Variants in ECT2L observed in about 807,000 individuals in gnomAD.
ECT2L encodes epithelial cell-transforming sequence 2 oncogene-like.
In ECT2L, 126 loss-of-function variants were observed where a neutral mutation model predicts 122.8. The ratio of observed to expected loss-of-function variants is 1.03; its 90% confidence interval spans 0.89 to 1.19. The LOEUF is 1.19. Among genes scored for constraint, ECT2L ranks in the 50% most tolerant of loss-of-function variants. ECT2L has a pLI of 0.00. For synonymous variants in ECT2L, 385 were observed against 381.8 expected (o/e 1.01, Z -0.10); for missense variants, 1,012 against 1,064.1 (o/e 0.95, Z 0.68).
chr6:138,885,901 TCCTGAGACA>T (rs1460510235), intron 18 of ECT2L, 71 bp downstream of exon 18: 1 of 1,453,468 alleles, frequency 6.9e-7, no homozygotes, highest in African/African-American at 1.4e-5. Context: ...CACTCAAAGA[TCCTGAGACA>T]CCTTATCTTC....
Position 138,888,924 on chromosome 6 carries a change from T to A in ECT2L, c.2326-19T>A. ...AAAAAAATTTATATGTACTTCTAAT[T>A]TTGTTTTTGATTTTACAGACTCTAT... On this transcript the variant is annotated intron_variant, in intron 19 of 21. Coordinates refer to ENST00000541398, the MANE Select transcript of ECT2L (RefSeq NM_001077706.3). 7.4e-7 allele frequency: 1 copy of A among 1,357,558 alleles called. No homozygotes were observed. The highest frequency in any genetic ancestry group is 9.8e-7 in the Non-Finnish European group (1 of 1,022,824). The allele number at this position is 1,357,558 out of a possible 1,614,324, so 84.1% of individuals were successfully genotyped here. A position where few individuals can be genotyped will look rare whatever the true frequency, so the allele number is the denominator to read the frequency against.
At chr6:138,804,460 T>C (rs1225544736) in intron 1 of ECT2L, among the ~76,000 whole-genome samples, 1 of 152,210 alleles carries the variant, frequency 6.6e-6, no homozygotes, top group Non-Finnish European at 1.5e-5. Flanking sequence ...ATTATCTTAT[T>C]ACTACAGCTT....
rs149285598 is a variant in ECT2L, at chr6:138,835,166, C to T, written c.180-3186C>T. ...CACTTAAAAAAAACTTTTCATTTTGCAATAATTTTTAACTTACAGAAAAGT... is the reference window on the plus strand; with the variant it reads ...CACTTAAAAAAAACTTTTCATTTTGTAATAATTTTTAACTTACAGAAAAGT... On this transcript the variant is annotated intron_variant, in intron 4 of 21. Coordinates refer to ENST00000541398, the MANE Select transcript of ECT2L (RefSeq NM_001077706.3). Among the ~76,000 whole-genome samples, 1,157 of 152,174 alleles carry T rather than the reference C, an allele frequency of 7.6e-3. 31 individuals are homozygous for T. The highest frequency in any genetic ancestry group is 0.048 in the Admixed American group (729 of 15,296).
At chr6:138,891,368 T>A (rs1164934877) in intron 20 of ECT2L, among the ~76,000 whole-genome samples, 2 of 152,220 alleles carry the variant, frequency 1.3e-5, no homozygotes, top group Non-Finnish European at 2.9e-5. Flanking sequence ...CTTTTCCTGA[T>A]CCAGGAGAGA....
intron 10 of ECT2L, among the ~76,000 whole-genome samples, 159 bp downstream of exon 10, chr6:138,854,313 T>C (rs1777544271): frequency 1.3e-5 from 2 of 152,188 alleles, no homozygotes; most frequent in Non-Finnish European, 2.9e-5. Context: ...TTCAAGAAAG[T>C]AGCAGTGAGG....
At position 138,843,042 on chromosome 6, in the gene ECT2L, AAT is replaced by A. The variant is rs779833127; in HGVS notation, c.407_408del (p.Asn136ArgfsTer22). On this transcript the variant is annotated frameshift_variant, in exon 6 of 22. Transcript: ENST00000541398. LOFTEE classifies it high-confidence loss of function. ...GWFLPYTPTD[N>X]EYGAWKRHYI... The stretch of plus-strand genomic sequence containing the variant: ...GTTTCTGCCCTATACTCCAACAGAT[AAT>A]GAGTATGGTGCTTGGAAGCGCCATT... 6.2e-7 allele frequency: 1 copy of A among 1,612,600 alleles called. No individual in the cohort carries two copies. Among genetic ancestry groups the A allele is most frequent in the African/African-American group, 1.3e-5 (1 of 75,040 alleles).
intron 14 of ECT2L, among the ~76,000 whole-genome samples, chr6:138,879,885 G>A (rs1159212709): frequency 5.3e-5 from 8 of 152,078 alleles, no homozygotes; most frequent in Non-Finnish European, 7.4e-5. Context: ...CCCAGGAGGC[G>A]GAGGTTGCAG....
chr6:138,839,259 C>T (rs1776958060), intron 5 of ECT2L, among the ~76,000 whole-genome samples: 2 of 152,212 alleles, frequency 1.3e-5, no homozygotes, highest in South Asian at 4.1e-4. Flanking sequence ...CAGTTAACAG[C>T]AGCAGCTGTT....
At chr6:138,893,418 T>C (rs1422222413) in intron 20 of ECT2L, among the ~76,000 whole-genome samples, 2 of 151,420 alleles carry the variant, frequency 1.3e-5, no homozygotes, top group Non-Finnish European at 2.9e-5. Flanking sequence ...TATATATTTT[T>C]TTATTTTTAT....
intron 20 of ECT2L, among the ~76,000 whole-genome samples, chr6:138,899,439 TTG>T (rs60379586): frequency 1.4e-3 from 214 of 148,564 alleles, no homozygotes; most frequent in Middle Eastern, 3.5e-3. Context: ...TGTACATAGA[TTG>T]TGTGTGTGTG....
chr6:138,842,616 A>G (rs915842807), intron 5 of ECT2L, among the ~76,000 whole-genome samples: 8 of 151,702 alleles, frequency 5.3e-5, no homozygotes, highest in Non-Finnish European at 8.8e-5. Context: ...CTAAAAAAAC[A>G]AAAAAATTAG....
chr6:138,820,806 C>T (rs1776242861), intron 4 of ECT2L, among the ~76,000 whole-genome samples: 1 of 152,214 alleles, frequency 6.6e-6, no homozygotes, highest in Admixed American at 6.5e-5. Context: ...ATGATACACA[C>T]ATTCAGTGCT....
At chr6:138,823,105 C>T (rs1776323309) in intron 4 of ECT2L, 4 of 1,528,972 alleles carry the variant, frequency 2.6e-6, no homozygotes, top group Admixed American at 2.0e-5. Flanking sequence ...GCCTTGTACA[C>T]ACTAAACTTT....
At chr6:138,844,727 G>T (rs1016222164) in intron 7 of ECT2L, 147 bp downstream of exon 7, 5 of 685,850 alleles carry the variant, frequency 7.3e-6, no homozygotes, top group Non-Finnish European at 1.2e-5. Context: ...TAATTTTCTA[G>T]AACAGTAGTC....
intron 8 of ECT2L, among the ~76,000 whole-genome samples, 193 bp from the exon 9 acceptor site, chr6:138,849,076 A>G (rs1582609905): frequency 6.6e-6 from 1 of 152,240 alleles, no homozygotes; most frequent in African/African-American, 2.4e-5. Context: ...TTACATGTGT[A>G]CTTAATTTTC....
chr6:138,846,556 G>A lies in ECT2L; in HGVS notation c.782G>A (p.Ser261Asn), dbSNP rs1281593915. The change falls in exon 8 of 22, where the codon AGC (serine) becomes AAC (asparagine). Residue 261 changes from serine (S) to asparagine (N), a missense_variant. Ser to Asn is a conservative substitution (Grantham distance 46). Transcript: ENST00000541398. ...CTCCATAGAAGCAATATTTCTGGAA[G>A]CCATTCCTACCCTTTATTATCAAAG... ...TLPKRSNISG[S>N]HSYPLLSKKN... The A allele has an allele frequency of 1.3e-6, 2 of 1,586,658 alleles. No homozygotes were observed. Among genetic ancestry groups the A allele is most frequent in the Admixed American group, 1.9e-5 (1 of 51,668 alleles).
At chr6:138,834,181 C>A (rs977849711) in intron 4 of ECT2L, among the ~76,000 whole-genome samples, 1 of 152,220 alleles carries the variant, frequency 6.6e-6, no homozygotes, top group Non-Finnish European at 1.5e-5. Flanking sequence ...ACACCATCCT[C>A]GTCACAATAA....
At chr6:138,896,887 C>T (rs1779237693) in intron 20 of ECT2L, among the ~76,000 whole-genome samples, 1 of 152,106 alleles carries the variant, frequency 6.6e-6, no homozygotes, top group Non-Finnish European at 1.5e-5. Context: ...ACTCTGTGAT[C>T]TGCCCACCTC....
At chr6:138,873,254 T>C (rs1186844095) in intron 13 of ECT2L, among the ~76,000 whole-genome samples, 1 of 151,786 alleles carries the variant, frequency 6.6e-6, no homozygotes, top group Admixed American at 6.6e-5. Flanking sequence ...TAGAAAAAAA[T>C]ACATATTAGA....
Sources: allele counts gnomAD v4.1 joint callset (sites outside exome capture counted in the v4.1 genomes callset), GRCh38; gene constraint gnomAD v4.1.1; transcripts MANE v1.5; gene names NCBI Gene and HGNC (gene_info 2026-07-23, HGNC 2026-07-21).